The following HIVEP2 variants were observed in gnomAD, a reference collection of about 807,000 sequenced individuals.
The protein encoded by HIVEP2 is HIVEP zinc finger 2.
In HIVEP2, 14 loss-of-function variants were observed where a neutral mutation model predicts 180.7. The ratio of observed to expected loss-of-function variants is 0.08; its 90% CI spans 0.05 to 0.12. The LOEUF (loss-of-function observed/expected upper bound fraction) is 0.12, where lower values mean the gene tolerates loss of function less well. HIVEP2 is among the 10% of genes least tolerant of loss of function. The probability of loss-of-function intolerance (pLI) is 1.00; values close to 1 mark genes in which losing one functional copy is unlikely to be tolerated. For missense variants in HIVEP2, 2,579 were observed against 3,008.5 expected, an observed-to-expected ratio of 0.86 and a Z score of 3.34; for synonymous variants, 1,184 against 1,136.4, an observed-to-expected ratio of 1.04 and a Z score of -0.84.
intron 1 of HIVEP2, among the ~76,000 whole-genome samples, chr6:142,896,740 CCAAT>C (rs1777005821): frequency 6.6e-6 from 1 of 152,110 alleles, no homozygotes; most frequent in African/African-American, 2.4e-5. Flanking sequence ...TCCTTCTGCC[CCAAT>C]CAGTCCTTTC....
At position 142,760,096 on chromosome 6, in the gene HIVEP2, C is replaced by G; in HGVS notation, c.6192G>C (p.Leu2064=). 1 of 1,614,100 alleles carries G rather than the reference C, an allele frequency of 6.2e-7. No individual in the cohort carries two copies. The highest frequency in any genetic ancestry group is 2.2e-5 in the East Asian group (1 of 44,882). ...PCRDNSPKRY[L]IPKGDLSPRR... ...TGGGAGATAAATCTCCTTTGGGTATCAGATACCTCTTTGGTGAATTATCTC... is the reference window on the plus strand; with the variant it reads ...TGGGAGATAAATCTCCTTTGGGTATGAGATACCTCTTTGGTGAATTATCTC... The change falls in exon 9 of 10, where the codon CTG becomes CTC. Residue 2064 remains leucine (L), a synonymous_variant. Transcript: ENST00000367603.
chr6:142,945,645 G>T (rs568809036), upstream of HIVEP2, among the ~76,000 whole-genome samples: 1 of 152,354 alleles, frequency 6.6e-6, no homozygotes, highest in African/African-American at 2.4e-5. This position sits in a 1 kb window ranked among gnomAD's most constrained non-coding sequence, Gnocchi z 5.5. Context: ...TCTGGGCTCC[G>T]TGGAGCGTCA....
At chr6:142,917,766 T>A (rs1298146857) in intron 1 of HIVEP2, among the ~76,000 whole-genome samples, 1 of 152,124 alleles carries the variant, frequency 6.6e-6, no homozygotes, top group African/African-American at 2.4e-5. Flanking sequence ...CTCAAAATCA[T>A]AATATGCTTC....
At chr6:142,925,850 T>C (rs1050029572) in intron 1 of HIVEP2, among the ~76,000 whole-genome samples, 2 of 152,248 alleles carry the variant, frequency 1.3e-5, no homozygotes, top group African/African-American at 4.8e-5. Context: ...TAGTAAGTCC[T>C]TTCTCTGTCA....
At chr6:142,823,530 TAA>T (rs2114839178) in intron 2 of HIVEP2, among the ~76,000 whole-genome samples, 1 of 152,250 alleles carries the variant, frequency 6.6e-6, no homozygotes, top group South Asian at 2.1e-4. Flanking sequence ...AGAAAAGACT[TAA>T]GAGTCATTTC....
intron 1 of HIVEP2, among the ~76,000 whole-genome samples, chr6:142,840,621 A>G (rs1055463313): frequency 6.6e-6 from 1 of 151,992 alleles, no homozygotes; most frequent in African/African-American, 2.4e-5. Flanking sequence ...TTCAGTTTTC[A>G]TTTTTACTAG....
At chr6:142,799,425 T>C (rs1365147802) in intron 2 of HIVEP2, among the ~76,000 whole-genome samples, 1 of 152,106 alleles carries the variant, frequency 6.6e-6, no homozygotes, top group Non-Finnish European at 1.5e-5. Flanking sequence ...ATCTTGTCCA[T>C]TTCAGGGACA....
intron 2 of HIVEP2, among the ~76,000 whole-genome samples, chr6:142,792,912 A>G (rs902110704): frequency 2.0e-5 from 3 of 152,100 alleles, no homozygotes; most frequent in Non-Finnish European, 4.4e-5. Context: ...GATAGAAAAG[A>G]AACTGAGGAG....
At chr6:142,934,438 T>C (rs1166180809) in intron 1 of HIVEP2, among the ~76,000 whole-genome samples, 1 of 152,196 alleles carries the variant, frequency 6.6e-6, no homozygotes, top group Non-Finnish European at 1.5e-5. Flanking sequence ...AGCTCCAGTG[T>C]AGGCTCTAAT....
At chr6:142,845,767 C>T (rs1775496786) in intron 1 of HIVEP2, among the ~76,000 whole-genome samples, 1 of 152,244 alleles carries the variant, frequency 6.6e-6, no homozygotes, top group African/African-American at 2.4e-5. Context: ...TTCCCCAGAG[C>T]CCTGCCAAGG....
intron 2 of HIVEP2, among the ~76,000 whole-genome samples, chr6:142,783,990 A>G (rs955092751): frequency 7.9e-5 from 12 of 152,244 alleles, no homozygotes; most frequent in Non-Finnish European, 1.3e-4. Flanking sequence ...GAAGTCTCAG[A>G]TAACCTTGTT....
rs371787307 is a variant in HIVEP2 at position 142,872,310 on chromosome 6, G to A, written c.-640-35263C>T. ...AGACCTGAATAACATAAGGATGTCC[G>A]ATGTCTGGAACAATGAGTCTTTGGA... On this transcript the variant is annotated intron_variant, in intron 1 of 9. Transcript: ENST00000367603. Among the ~76,000 whole-genome samples the A allele has an allele frequency of 2.6e-5, 4 of 152,246 alleles. No individual in the cohort carries two copies. The East Asian group carries it at 5.8e-4, about 22-fold the overall frequency.
chr6:142,861,457 GC>G (rs1562268755), intron 1 of HIVEP2, among the ~76,000 whole-genome samples: 1 of 152,312 alleles, frequency 6.6e-6, no homozygotes, highest in East Asian at 1.9e-4. Context: ...GGAACTATAA[GC>G]AAAATGCCAG....
intron 2 of HIVEP2, among the ~76,000 whole-genome samples, chr6:142,803,688 G>C (rs1776473829): frequency 6.6e-6 from 1 of 151,932 alleles, no homozygotes; most frequent in African/African-American, 2.4e-5. Flanking sequence ...TGCCTTCACT[G>C]CATAGGCGTC....
At chr6:142,818,876 G>A (rs1379031344) in intron 2 of HIVEP2, among the ~76,000 whole-genome samples, 1 of 151,874 alleles carries the variant, frequency 6.6e-6, no homozygotes, top group Non-Finnish European at 1.5e-5. Flanking sequence ...GGTGGGTCAA[G>A]CCTGTAATCC....
At position 142,753,204 on chromosome 6, in the gene HIVEP2, A is replaced by C. The variant is rs1309668758; in HGVS notation, c.7244T>G (p.Val2415Gly). The change falls in exon 10 of 10, where the codon GTG becomes GGG. Residue 2415 changes from valine (V) to glycine (G), a missense_variant. Transcript: ENST00000367603. ...AHSTFYSKSCVDDKQLDFHSS... is the reference protein window; with the variant it reads ...AHSTFYSKSCGDDKQLDFHSS... ...GTGAAAGTCCAACTGCTTGTCATCC[A>C]CACAACTCTTGCTGTAAAACGTGGA... The C allele has an allele frequency of 1.2e-6, 2 of 1,614,032 alleles. No homozygotes were observed. Among genetic ancestry groups the C allele is most frequent in the African/African-American group, 1.3e-5 (1 of 75,050 alleles).
At chr6:142,841,823 G>C (rs761204922) in intron 1 of HIVEP2, among the ~76,000 whole-genome samples, 7 of 152,032 alleles carry the variant, frequency 4.6e-5, no homozygotes, top group Non-Finnish European at 8.8e-5. Context: ...CAAGTCTCCT[G>C]ATTCTCTGTC....
At chr6:142,864,500 TA>T (rs1322443527) in intron 1 of HIVEP2, among the ~76,000 whole-genome samples, 1 of 152,248 alleles carries the variant, frequency 6.6e-6, no homozygotes, top group African/African-American at 2.4e-5. Context: ...TAGCGAAAAA[TA>T]ATAAATATTA....
rs565060168 is a variant in HIVEP2, at chr6:142,934,458, C to T, written c.-641+10641G>A. On this transcript the variant is annotated intron_variant, in intron 1 of 9. Transcript: ENST00000367603. ...CAGTGTAGGCTCTAATGAGCACAGCCTCACAAGAGCAGAAAAGATATCTGA... is the reference window on the plus strand; with the variant it reads ...CAGTGTAGGCTCTAATGAGCACAGCTTCACAAGAGCAGAAAAGATATCTGA... Among the ~76,000 whole-genome samples, 5 of 152,200 alleles carry T rather than the reference C, an allele frequency of 3.3e-5. No homozygotes were observed. The East Asian group carries it at 9.7e-4, about 29-fold the overall frequency.
Sources: allele counts gnomAD v4.1 joint callset (sites outside exome capture counted in the v4.1 genomes callset), GRCh38; gene constraint gnomAD v4.1.1; non-coding constraint Gnocchi (gnomAD v3.1); transcripts MANE v1.5; gene names NCBI Gene and HGNC (gene_info 2026-07-23, HGNC 2026-07-21).